Variants in INSC observed in about 807,000 individuals in gnomAD.
INSC encodes protein inscuteable homolog.
INSC carries 67 observed loss-of-function variants against 58.6 expected under a neutral mutation model. The observed-to-expected ratio is 1.14, with a 90% CI of 0.94 to 1.40. The LOEUF is 1.40. Among genes scored for constraint, INSC ranks in the 40% most tolerant of loss-of-function variants. INSC has a pLI of 0.00. For synonymous variants in INSC, 262 were observed against 276.1 expected, an observed-to-expected ratio of 0.95 and a Z score of 0.51; for missense variants, 714 against 692.0, an observed-to-expected ratio of 1.03 and a Z score of -0.36.
At chr11:15,254,613 G>T in the INSC span, among the ~76,000 whole-genome samples, 4 of 152,190 alleles carry the variant, frequency 2.6e-5, no homozygotes, top group African/African-American at 9.6e-5. Flanking sequence ...TAGGATTGTT[G>T]TGAGAATTAA....
chr11:15,238,461 T>C (rs1852215099), intron 10 of INSC, among the ~76,000 whole-genome samples: 1 of 152,122 alleles, frequency 6.6e-6, no homozygotes, highest in South Asian at 2.1e-4. Context: ...TTTCTTTCGT[T>C]TTCTTAATCC....
chr11:15,158,860 G>GTTTTTTTTTTTTTTT lies in INSC; in HGVS notation c.56+9637_56+9651dup, dbSNP rs529518368. 3.2e-4 allele frequency among the ~76,000 whole-genome samples: 35 copies of GTTTTTTTTTTTTTTT among 109,700 alleles called. 1 individual carries two copies. The highest frequency in any genetic ancestry group is 3.7e-4 in the Non-Finnish European group (21 of 56,670). 72.0% of individuals were successfully genotyped at this position (109,700 alleles called of 152,430 possible). A position where few individuals can be genotyped will look rare whatever the true frequency, so the allele number is the denominator to read the frequency against. ...ATTATAACCAGATGAATTGTTGGTG[G>GTTTTTTTTTTTTTTT]TTTTTTTTTTTTTTTTTTTTTGCCT... On this transcript the variant is annotated intron_variant, in intron 2 of 12. Coordinates refer to ENST00000379556, the MANE Select transcript of INSC (RefSeq NM_001042536.3).
chr11:15,123,887 A>G (rs1012645248), intron 1 of INSC, among the ~76,000 whole-genome samples: 1 of 152,188 alleles, frequency 6.6e-6, no homozygotes, highest in African/African-American at 2.4e-5. Context: ...GGAGCTGTCA[A>G]CCTCCTTCCT....
chr11:15,143,882 A>G (rs1657871275), intron 1 of INSC, among the ~76,000 whole-genome samples: 3 of 152,196 alleles, frequency 2.0e-5, no homozygotes, highest in Admixed American at 1.3e-4. Context: ...TCAAATTGAA[A>G]AAAAGCCTAC....
chr11:15,167,026 GTTA>G (rs770936025), intron 2 of INSC, among the ~76,000 whole-genome samples: 1 of 151,870 alleles, frequency 6.6e-6, no homozygotes, highest in African/African-American at 2.4e-5. Flanking sequence ...TTCAATAAAA[GTTA>G]TTATTACTGG....
In INSC at chr11:15,246,117, A is replaced by C. The variant is rs901946514; in HGVS notation, c.*77A>C. On this transcript the variant is annotated 3_prime_UTR_variant, in exon 13 of 13. Coordinates refer to ENST00000379556, the MANE Select transcript of INSC (RefSeq NM_001042536.3). ...TGCACCAGTGAACACATCTGAGTACATACCAGCTCTCCTCATCTTCTTATT... is the reference window on the plus strand; with the variant it reads ...TGCACCAGTGAACACATCTGAGTACCTACCAGCTCTCCTCATCTTCTTATT... 10 of 1,478,712 alleles carry C rather than the reference A, an allele frequency of 6.8e-6. No individual in the cohort carries two copies. The African/African-American group carries it at 9.8e-5, about 14-fold the overall frequency. 91.6% of individuals were successfully genotyped at this position (1,478,712 alleles called of 1,614,324 possible). A position where few individuals can be genotyped will look rare whatever the true frequency, so the allele number is the denominator to read the frequency against.
chr11:15,173,277 G>C (rs891135913), intron 2 of INSC, among the ~76,000 whole-genome samples: 1 of 152,044 alleles, frequency 6.6e-6, no homozygotes, highest in African/African-American at 2.4e-5. Flanking sequence ...ATATACTATG[G>C]TCATATTTAC....
Position 15,246,021 on chromosome 11 carries a change from T to G in INSC, c.1580T>G (p.Met527Arg), listed in dbSNP as rs1156864532. ...GACTCCTTCTTACTCTGCAGCAACA[T>G]GGAGGAGAGTTTTGTGTAGTGAGTG... ...LVDSFLLCSN[M>R]EESFV The change falls in exon 13 of 13, where the codon ATG becomes AGG. Residue 527 changes from methionine to arginine, a missense_variant. Physicochemically the swap from Met to Arg is moderately conservative, Grantham distance 91. Coordinates refer to ENST00000379556, the MANE Select transcript of INSC (RefSeq NM_001042536.3). 6.2e-7 allele frequency: 1 copy of G among 1,614,154 alleles called. No individual in the cohort carries two copies. Among genetic ancestry groups the G allele is most frequent in the South Asian group, 1.1e-5 (1 of 91,088 alleles).
At chr11:15,237,473 A>G (rs1852174104) in intron 10 of INSC, among the ~76,000 whole-genome samples, 1 of 152,242 alleles carries the variant, frequency 6.6e-6, no homozygotes, top group Non-Finnish European at 1.5e-5. Flanking sequence ...AATGAGCACT[A>G]TGCTAAGCCC....
chr11:15,210,954 C>A (rs1851002361), intron 7 of INSC, among the ~76,000 whole-genome samples: 1 of 152,070 alleles, frequency 6.6e-6, no homozygotes, highest in African/African-American at 2.4e-5. Context: ...GCCCTCAAAG[C>A]CCAGAACTAG....
chr11:15,163,437 C>A (rs559164520), intron 2 of INSC, among the ~76,000 whole-genome samples: 4 of 152,172 alleles, frequency 2.6e-5, no homozygotes, highest in Non-Finnish European at 5.9e-5. Context: ...TAAGTCCCCT[C>A]CCCCACCTGA....
In INSC at chr11:15,246,236, G is replaced by T; in HGVS notation, c.*196G>T. 1 of 477,426 alleles carries T rather than the reference G, an allele frequency of 2.1e-6. No individual in the cohort carries two copies. The highest frequency in any genetic ancestry group is 3.5e-6 in the Non-Finnish European group (1 of 282,028). 29.6% of individuals were successfully genotyped at this position (477,426 alleles called of 1,614,324 possible). ...TTTGGTCCTTGAGAATCTTCTTTGTGTTTTATTTTTTGATTTCTGTAGCTT... is the reference window on the plus strand; with the variant it reads ...TTTGGTCCTTGAGAATCTTCTTTGTTTTTTATTTTTTGATTTCTGTAGCTT... On this transcript the variant is annotated 3_prime_UTR_variant, in exon 13 of 13. Transcript: ENST00000379556.
the INSC span, among the ~76,000 whole-genome samples, chr11:15,261,539 C>A: frequency 6.6e-6 from 1 of 152,146 alleles, no homozygotes. Flanking sequence ...CTGGTACAAT[C>A]TGACAAAGTT....
At chr11:15,224,021 G>A (rs1329845795) in intron 8 of INSC, among the ~76,000 whole-genome samples, 1 of 152,198 alleles carries the variant, frequency 6.6e-6, no homozygotes, top group African/African-American at 2.4e-5. Flanking sequence ...TGGGAACTTT[G>A]GAGTCAGGCA....
At chr11:15,228,404 G>A (rs1851721682) in intron 9 of INSC, among the ~76,000 whole-genome samples, 1 of 152,202 alleles carries the variant, frequency 6.6e-6, no homozygotes, top group South Asian at 2.1e-4. Flanking sequence ...TGCACCTGGA[G>A]TCGGTACCTT....
chr11:15,177,679 C>T (rs1465329056), intron 4 of INSC, among the ~76,000 whole-genome samples: 1 of 152,210 alleles, frequency 6.6e-6, no homozygotes, highest in Non-Finnish European at 1.5e-5. Flanking sequence ...TACACACACT[C>T]AGCCTCACAT....
At chr11:15,179,075 C>T (rs1282466958) in intron 5 of INSC, among the ~76,000 whole-genome samples, 1 of 152,180 alleles carries the variant, frequency 6.6e-6, no homozygotes, top group Non-Finnish European at 1.5e-5. Context: ...GGATTTGGAG[C>T]CTGGCCTATC....
At chr11:15,214,868 T>G (rs1184390007) in intron 7 of INSC, among the ~76,000 whole-genome samples, 1 of 152,140 alleles carries the variant, frequency 6.6e-6, no homozygotes, top group African/African-American at 2.4e-5. Context: ...CACCAATCCT[T>G]TTATGCAAGA....
chr11:15,178,916 G>C (rs16931143), intron 5 of INSC, among the ~76,000 whole-genome samples: 1 of 152,150 alleles, frequency 6.6e-6, no homozygotes, highest in Non-Finnish European at 1.5e-5. Context: ...CAGTTTACCC[G>C]ATGGGTCCTT....
Sources: gnomAD v4.1 joint callset for allele counts (sites outside exome capture counted in the v4.1 genomes callset) on GRCh38, gnomAD v4.1.1 for gene constraint, MANE v1.5 for transcripts, NCBI Gene and HGNC (gene_info 2026-07-23, HGNC 2026-07-21) for gene names.